Variants in HSPG2 observed in about 807,000 individuals in gnomAD.
HSPG2 encodes basement membrane-specific heparan sulfate proteoglycan core protein.
Under a neutral mutation model 526.6 loss-of-function variants are expected in HSPG2, and 278 were observed. The observed-to-expected ratio is 0.53, with a 90% CI of 0.48 to 0.58. The LOEUF (loss-of-function observed/expected upper bound fraction) is 0.58, where lower values mean the gene tolerates loss of function less well. Ranked by LOEUF, HSPG2 falls within the 20% of genes least tolerant of loss-of-function variation. The probability of loss-of-function intolerance (pLI) is 0.00; values close to 1 mark genes in which losing one functional copy is unlikely to be tolerated. For synonymous variants in HSPG2, 2,465 were observed against 2,555.4 expected (o/e 0.96, Z 1.07); for missense variants, 5,354 against 6,099.5 (o/e 0.88, Z 4.07).
rs970856683 is a variant in HSPG2, at chr1:21,880,099, C to T, written c.2343+8G>A. On this transcript the variant is annotated splice_region_variant and intron_variant, in intron 17 of 96. Coordinates refer to ENST00000374695, the MANE Select transcript of HSPG2 (RefSeq NM_005529.7). Reference sequence around the variant, plus strand: ...TTTAGTGTTCAAGTGTCTGCTGGCACTACTCACCAGGCAGTGGCCATACAC... The same window carrying T: ...TTTAGTGTTCAAGTGTCTGCTGGCATTACTCACCAGGCAGTGGCCATACAC... 1.2e-6 allele frequency: 2 copies of T among 1,614,052 alleles called. No individual in the cohort carries two copies. The highest frequency in any genetic ancestry group is 1.7e-6 in the Non-Finnish European group (2 of 1,179,986).
At chr1:21,871,254 ATTTGTTTTT>A (rs1640622074) in intron 33 of HSPG2, among the ~76,000 whole-genome samples, 1 of 85,642 alleles carries the variant, frequency 1.2e-5, no homozygotes, top group African/African-American at 4.4e-5. Flanking sequence ...CTGGCAGAGT[ATTTGTTTTT>A]TTTTTTTTTT....
At chr1:21,889,509 C>T (rs1336141577) in intron 6 of HSPG2, among the ~76,000 whole-genome samples, 2 of 152,206 alleles carry the variant, frequency 1.3e-5, no homozygotes, top group East Asian at 3.8e-4. Flanking sequence ...CGCCTTTTCA[C>T]TATCTGCCCA....
chr1:21,839,423 A>G lies in HSPG2; in HGVS notation c.9837T>C (p.Asn3279=). The G allele has an allele frequency of 1.2e-6, 2 of 1,614,000 alleles. No individual in the cohort carries two copies. Among genetic ancestry groups the G allele is most frequent in the East Asian group, 2.2e-5 (1 of 44,862 alleles). ...CAGCGTGCCCAGCAGGGCTAGTGGC[A>G]TTGCAGATGTACTGGCCCGAGTCCT... ...AQQDSGQYIC[N]ATSPAGHAEA... The change falls in exon 73 of 97, where the codon AAT becomes AAC. Residue 3279 remains asparagine, a synonymous_variant. Coordinates refer to ENST00000374695, the MANE Select transcript of HSPG2 (RefSeq NM_005529.7). This position sits in a 1 kb window ranked among gnomAD's most constrained non-coding sequence, Gnocchi z 4.5.
chr1:21,876,514 G>C lies in HSPG2; in HGVS notation c.2824C>G (p.Gln942Glu), dbSNP rs377203405. Residue 942 changes from glutamine (Q) to glutamate (E), a missense_variant and splice_region_variant, in exon 22 of 97, where the codon CAG becomes GAG. Gln to Glu is a conservative substitution (Grantham distance 29, BLOSUM62 2). Transcript: ENST00000374695. The stretch of plus-strand genomic sequence containing the variant: ...GCCCGCCCACCTTGCAGAGGTACCT[G>C]GGCACGGCTCCATGAAGAGCTGGTG... ...HCTSSSWSRA[Q>E]LHGASEEPGH... is the part of the protein sequence containing the mutation. 2 of 1,614,016 alleles carry C rather than the reference G, an allele frequency of 1.2e-6. No homozygotes were observed. The highest frequency in any genetic ancestry group is 1.7e-6 in the Non-Finnish European group (2 of 1,180,024).
Position 21,838,957 on chromosome 1 carries a change from G to A in HSPG2, c.10018C>T (p.Pro3340Ser). The A allele has an allele frequency of 6.2e-7, 1 of 1,612,818 alleles. No individual in the cohort carries two copies. The highest frequency in any genetic ancestry group is 8.5e-7 in the Non-Finnish European group (1 of 1,179,264). ...TCGTTCCTGGCGGTCGCCCTCCCAG[G>A]AAGGCTGCTGCCCACGCGGCTCCAC... ...FQWSRVGSSL[P>S]GRATARNELL... is the part of the protein sequence containing the mutation. The change falls in exon 74 of 97, where the codon CCT becomes TCT. Residue 3340 changes from proline (P) to serine (S), a missense_variant. Coordinates refer to ENST00000374695, the MANE Select transcript of HSPG2 (RefSeq NM_005529.7).
At chr1:21,851,052 A>G (rs1481349804) in intron 55 of HSPG2, among the ~76,000 whole-genome samples, 1 of 150,230 alleles carries the variant, frequency 6.7e-6, no homozygotes, top group South Asian at 2.1e-4. Context: ...GGCTCACTGC[A>G]GCCTCCGCCT....
In HSPG2 at chr1:21,861,788, C is replaced by T. The variant is rs528077703; in HGVS notation, c.4924G>A (p.Glu1642Lys). 5.1e-5 allele frequency: 82 copies of T among 1,613,884 alleles called. No homozygotes were observed. The highest frequency in any genetic ancestry group is 2.5e-4 in the South Asian group (23 of 91,072). ...GAGGYRCTAC[E>K]PGYTGQYCEQ... ...CAGTACTGGCCAGTGTAGCCGGGTTCGCAGGCCGTGCAGCGGTACCCGCCG... is the reference window on the plus strand; with the variant it reads ...CAGTACTGGCCAGTGTAGCCGGGTTTGCAGGCCGTGCAGCGGTACCCGCCG... The change falls in exon 39 of 97, where the codon GAA becomes AAA. Residue 1642 changes from glutamate to lysine, a missense_variant. Coordinates refer to ENST00000374695, the MANE Select transcript of HSPG2 (RefSeq NM_005529.7).
Position 21,851,669 on chromosome 1 carries a change from G to A in HSPG2, c.7035C>T (p.Ile2345=), listed in dbSNP as rs2229484. The change falls in exon 55 of 97, where the codon ATC becomes ATT. Residue 2345 remains isoleucine, a synonymous_variant. Coordinates refer to ENST00000374695, the MANE Select transcript of HSPG2 (RefSeq NM_005529.7). Reference sequence around the variant, plus strand: ...CCGCCACTTGCGAGGAGGAGGGCTCGATGCGGATGGGCTGGGTGCTGCCGG... The same window carrying A: ...CCGCCACTTGCGAGGAGGAGGGCTCAATGCGGATGGGCTGGGTGCTGCCGG... ...YPAGSTQPIR[I]EPSSSQVAEG... is the part of the protein sequence containing the mutation. 4,242 of 1,614,044 alleles carry A rather than the reference G, an allele frequency of 2.6e-3. 102 individuals are homozygous for A. The African/African-American group carries it at 0.048, about 18-fold the overall frequency.
chr1:21,903,352 G>A (rs1049001239), intron 1 of HSPG2, among the ~76,000 whole-genome samples: 2 of 152,200 alleles, frequency 1.3e-5, no homozygotes, highest in African/African-American at 2.4e-5. Flanking sequence ...TGTAGTCCCC[G>A]CACTTTGGGA....
intron 11 of HSPG2, 26 bp downstream of exon 11, chr1:21,884,987 C>G (rs754037127): frequency 2.5e-6 from 4 of 1,613,800 alleles, no homozygotes; most frequent in African/African-American, 2.7e-5. Context: ...TCATTCCCAC[C>G]CCACCACCTG....
At chr1:21,854,134 G>A (rs1572235228) in intron 50 of HSPG2, 59 bp downstream of exon 50, 2 of 1,506,636 alleles carry the variant, frequency 1.3e-6, no homozygotes, top group East Asian at 2.5e-5. Context: ...GAAGCCACAG[G>A]CATCTTCCTT....
rs755849389 is a variant in HSPG2, at chr1:21,823,688, C to T, written c.12931G>A (p.Gly4311Ser). ...EGRRGSIQVDGEELVSGRSPG... is the reference protein window; with the variant it reads ...EGRRGSIQVDSEELVSGRSPG... ...GACCGGCCGCTGACCAGCTCCTCAC[C>T]GTCGACTTGGATGGAACCTCTGCGG... is the stretch of plus-strand genomic sequence containing the variant. The change falls in exon 96 of 97, where the codon GGT becomes AGT. Residue 4311 changes from glycine to serine, a missense_variant. Gly to Ser is a moderately conservative substitution (Grantham distance 56). Transcript: ENST00000374695. 5.0e-6 allele frequency: 8 copies of T among 1,613,668 alleles called. No individual in the cohort carries two copies. The highest frequency in any genetic ancestry group is 4.5e-5 in the East Asian group (2 of 44,884).
rs948637474 is a variant in HSPG2 at position 21,893,042 on chromosome 1, C to T, written c.245-2348G>A. ...GGAGCCAGAGGCCGGGAGAGGGAGA[C>T]AGCTGCCCTGCACTCAGGGTAGAAG... On this transcript the variant is annotated intron_variant, in intron 3 of 96. Transcript: ENST00000374695. This position sits in a 1 kb window ranked among gnomAD's most constrained non-coding sequence, Gnocchi z 4.3. Among the ~76,000 whole-genome samples the T allele has an allele frequency of 2.0e-5, 3 of 152,118 alleles. No individual in the cohort carries two copies. Among genetic ancestry groups the T allele is most frequent in the African/African-American group, 7.2e-5 (3 of 41,406 alleles).
intron 1 of HSPG2, among the ~76,000 whole-genome samples, chr1:21,917,727 G>A (rs557847172): frequency 3.0e-4 from 45 of 152,102 alleles, no homozygotes; most frequent in African/African-American, 9.4e-4. Flanking sequence ...CATGCCCTTC[G>A]AGCTAATCTA....
intron 91 of HSPG2, among the ~76,000 whole-genome samples, chr1:21,827,187 G>T (rs2097979915): frequency 6.6e-6 from 1 of 152,132 alleles, no homozygotes; most frequent in Non-Finnish European, 1.5e-5. Flanking sequence ...CAGCCTGGGT[G>T]AAAGAGCAAG....
At position 21,878,511 on chromosome 1, in the gene HSPG2, G is replaced by A. The variant is rs1335310876; in HGVS notation, c.2559-20C>T. On this transcript the variant is annotated intron_variant, in intron 19 of 96. Coordinates refer to ENST00000374695, the MANE Select transcript of HSPG2 (RefSeq NM_005529.7). ...GCACAGCTAGGGGAGAGAGGGGGCC[G>A]CCATCAGCACTTCCATGACCCCACC... The A allele has an allele frequency of 1.2e-5, 19 of 1,613,236 alleles. No individual in the cohort carries two copies. Among genetic ancestry groups the A allele is most frequent in the Non-Finnish European group, 1.5e-5 (18 of 1,179,720 alleles).
In HSPG2 at chr1:21,834,685, C is replaced by G. The variant is rs1385442199; in HGVS notation, c.10714G>C (p.Val3572Leu). The part of the protein sequence containing the change: ...GTTQSHVLLL[V>L]QALPQISMPQ... ...AGTCCCCACTGGCCTTCACCTTGCA[C>G]AAGCAGCAGGACGTGGGATTGTGTG... The change falls in exon 77 of 97, where the codon GTG becomes CTG. Residue 3572 changes from valine (V) to leucine (L), a missense_variant. Coordinates refer to ENST00000374695, the MANE Select transcript of HSPG2 (RefSeq NM_005529.7). 1 of 1,614,060 alleles carries G rather than the reference C, an allele frequency of 6.2e-7. No individual in the cohort carries two copies. The highest frequency in any genetic ancestry group is 1.3e-5 in the African/African-American group (1 of 74,944).
In HSPG2 at chr1:21,847,266, C is replaced by T; in HGVS notation, c.8164+88G>A. 1 of 1,458,794 alleles carries T rather than the reference C, an allele frequency of 6.9e-7. No homozygotes were observed. Among genetic ancestry groups the T allele is most frequent in the South Asian group, 1.1e-5 (1 of 87,798 alleles). The allele number at this position is 1,458,794 out of a possible 1,614,324, so 90.4% of individuals were successfully genotyped here. The stretch of plus-strand genomic sequence containing the variant: ...TCCGCTGGCCCTTGCCTGAGTACCA[C>T]CAGGTCTGAGGACTCTGACCTGAAA... On this transcript the variant is annotated intron_variant, in intron 62 of 96. Transcript: ENST00000374695. This position sits in a 1 kb window ranked among gnomAD's most constrained non-coding sequence, Gnocchi z 4.1.
intron 80 of HSPG2, 40 bp downstream of exon 80, chr1:21,833,228 C>T (rs764033093): frequency 6.4e-7 from 1 of 1,555,258 alleles, no homozygotes; most frequent in South Asian, 1.1e-5. Flanking sequence ...GGTCCCTCAA[C>T]CCAGGCCAGC....
Sources: allele counts gnomAD v4.1 joint callset (sites outside exome capture counted in the v4.1 genomes callset), GRCh38; gene constraint gnomAD v4.1.1; non-coding constraint Gnocchi (gnomAD v3.1); transcripts MANE v1.5; gene names NCBI Gene and HGNC (gene_info 2026-07-23, HGNC 2026-07-21).